Variants in GLYR1 observed in about 807,000 individuals in gnomAD.
GLYR1 encodes the protein cytokine-like nuclear factor N-PAC.
In GLYR1, 21 loss-of-function variants were observed where a neutral mutation model predicts 72.7. The ratio of observed to expected loss-of-function variants is 0.29; its 90% confidence interval spans 0.20 to 0.42. The LOEUF (loss-of-function observed/expected upper bound fraction) is 0.42, where lower values mean the gene tolerates loss of function less well. Among genes scored for constraint, GLYR1 ranks in the 10% least tolerant of loss-of-function variants. The pLI is 1.00. For synonymous variants in GLYR1, 392 were observed against 270.2 expected, an observed-to-expected ratio of 1.45 and a Z score of -4.42; for missense variants, 594 against 712.1, an observed-to-expected ratio of 0.83 and a Z score of 1.89.
chr16:4,825,739 T>A (rs1596353539), intron 5 of GLYR1, among the ~76,000 whole-genome samples: 2 of 151,988 alleles, frequency 1.3e-5, no homozygotes, highest in East Asian at 1.9e-4. Flanking sequence ...GCAACCTCTG[T>A]CTCCTGGGTT....
At chr16:4,817,098 C>T (rs1174811216) in intron 10 of GLYR1, among the ~76,000 whole-genome samples, 2 of 151,674 alleles carry the variant, frequency 1.3e-5, no homozygotes, top group East Asian at 2.0e-4. Flanking sequence ...TGAACGCCAC[C>T]ATACCCAGCT....
At chr16:4,808,984 G>C (rs978105347) in intron 15 of GLYR1, among the ~76,000 whole-genome samples, 1 of 152,052 alleles carries the variant, frequency 6.6e-6, no homozygotes, top group Admixed American at 6.6e-5. Flanking sequence ...AAAAGTGCAC[G>C]TGTTAAGTGC....
intron 3 of GLYR1, among the ~76,000 whole-genome samples, chr16:4,843,211 TGCTGGAGTGCAGG>T (rs1170343945): frequency 6.6e-6 from 1 of 152,120 alleles, no homozygotes; most frequent in Non-Finnish European, 1.5e-5. Flanking sequence ...CTGTCACCCA[TGCTGGAGTGCAGG>T]GTCTCGAACA....
chr16:4,806,932 G>A (rs1231992225), intron 15 of GLYR1, among the ~76,000 whole-genome samples: 6 of 149,938 alleles, frequency 4.0e-5, no homozygotes, highest in Non-Finnish European at 7.4e-5. Context: ...TCAGCCTCCC[G>A]AGTAGCTGGG....
At chr16:4,825,020 C>G (rs544300541) in intron 5 of GLYR1, among the ~76,000 whole-genome samples, 1 of 152,276 alleles carries the variant, frequency 6.6e-6, no homozygotes, top group African/African-American at 2.4e-5. Flanking sequence ...CTGCCCAACC[C>G]CTTCTTCTCA....
intron 2 of GLYR1, among the ~76,000 whole-genome samples, chr16:4,845,799 T>C (rs2085979826): frequency 6.6e-6 from 1 of 152,234 alleles, no homozygotes; most frequent in Non-Finnish European, 1.5e-5. Flanking sequence ...GATTTAAACT[T>C]AGTTGGGACA....
chr16:4,838,744 G>A (rs747957268), intron 3 of GLYR1, among the ~76,000 whole-genome samples: 2 of 151,876 alleles, frequency 1.3e-5, no homozygotes, highest in East Asian at 1.9e-4. Flanking sequence ...CCGCCACCAC[G>A]CCCAGCTAAT....
chr16:4,838,017 A>G (rs1238222761), intron 3 of GLYR1, among the ~76,000 whole-genome samples: 1 of 152,112 alleles, frequency 6.6e-6, no homozygotes, highest in African/African-American at 2.4e-5. Context: ...ATGGGGCCAG[A>G]AGGTGTGGGT....
At chr16:4,818,985 A>G (rs1374801274) in intron 9 of GLYR1, among the ~76,000 whole-genome samples, 2 of 152,058 alleles carry the variant, frequency 1.3e-5, no homozygotes, top group African/African-American at 4.8e-5. Flanking sequence ...CAACCCTGAG[A>G]GCTGGGGGCT....
chr16:4,845,343 A>G (rs1244787407), intron 2 of GLYR1, among the ~76,000 whole-genome samples, 190 bp from the exon 3 acceptor site: 2 of 152,212 alleles, frequency 1.3e-5, no homozygotes, highest in African/African-American at 4.8e-5. Context: ...CCATTTTTCT[A>G]TTGAGGTGTA....
chr16:4,826,305 T>C (rs1308614597), intron 5 of GLYR1, among the ~76,000 whole-genome samples: 2 of 152,242 alleles, frequency 1.3e-5, no homozygotes, highest in African/African-American at 4.8e-5. Context: ...AGGGTCTTGC[T>C]ATGTTGGCCA....
At chr16:4,841,925 T>C (rs541697678) in intron 3 of GLYR1, among the ~76,000 whole-genome samples, 12 of 152,306 alleles carry the variant, frequency 7.9e-5, no homozygotes, top group Admixed American at 6.5e-4. Context: ...CCAGATTCTA[T>C]GTATCTTCCA....
chr16:4,846,259 T>C (rs747516965), intron 1 of GLYR1, 49 bp from the exon 2 acceptor site: 2 of 1,598,862 alleles, frequency 1.3e-6, no homozygotes, highest in South Asian at 1.1e-5. Flanking sequence ...AGCCAGTCCA[T>C]CTCCTTCAAC....
chr16:4,847,272 A>G lies in GLYR1; in HGVS notation c.-7T>C, dbSNP rs1314067831. On this transcript the variant is annotated 5_prime_UTR_variant, in exon 1 of 16. Transcript: ENST00000321919. Reference sequence around the variant, plus strand: ...GCAGACTCACAGCCGCCATCTTACCACCCAACCACCGCCGACGCACGGGCC... The same window carrying G: ...GCAGACTCACAGCCGCCATCTTACCGCCCAACCACCGCCGACGCACGGGCC... 6.2e-7 allele frequency: 1 copy of G among 1,608,026 alleles called. No individual in the cohort carries two copies. The highest frequency in any genetic ancestry group is 1.7e-5 in the Admixed American group (1 of 59,804).
At chr16:4,837,936 T>G (rs765647686) in intron 3 of GLYR1, among the ~76,000 whole-genome samples, 3,986 of 68,198 alleles carry the variant, frequency 0.058, 169 homozygotes, top group African/African-American at 0.23. Flanking sequence ...TCTCAAAAAA[T>G]AAATAAATAA....
intron 2 of GLYR1, among the ~76,000 whole-genome samples, chr16:4,845,506 G>C (rs890514662): frequency 1.3e-5 from 2 of 148,192 alleles, no homozygotes; most frequent in African/African-American, 5.0e-5. Context: ...CCCCACCCCT[G>C]CTCCAATGTG....
intron 3 of GLYR1, among the ~76,000 whole-genome samples, chr16:4,840,592 T>C (rs1272701330): frequency 1.3e-5 from 2 of 152,106 alleles, no homozygotes; most frequent in African/African-American, 4.8e-5. Flanking sequence ...CTCTCAGTTT[T>C]CCATACTTAA....
chr16:4,847,112 C>T (rs926792962), intron 1 of GLYR1, 116 bp downstream of exon 1: 19 of 985,568 alleles, frequency 1.9e-5, no homozygotes, highest in Admixed American at 1.1e-4. Flanking sequence ...CCTTCTCTTC[C>T]CCTCTCTCCG....
chr16:4,831,235 C>A (rs938161079), intron 5 of GLYR1, among the ~76,000 whole-genome samples: 2 of 152,126 alleles, frequency 1.3e-5, no homozygotes, highest in Admixed American at 1.3e-4. Flanking sequence ...GCAATTACCC[C>A]CTTATGAATG....
Sources: gnomAD v4.1 joint callset for allele counts (sites outside exome capture counted in the v4.1 genomes callset) on GRCh38, gnomAD v4.1.1 for gene constraint, MANE v1.5 for transcripts, NCBI Gene and HGNC (gene_info 2026-07-23, HGNC 2026-07-21) for gene names.